Variants in SYNE2 observed in about 807,000 individuals in gnomAD.
The protein encoded by SYNE2 is nesprin-2.
Under a neutral mutation model 856.3 loss-of-function variants are expected in SYNE2, and 431 were observed. The observed-to-expected ratio is 0.50, with a 90% CI of 0.47 to 0.55. The LOEUF (loss-of-function observed/expected upper bound fraction) is 0.55. SYNE2 is among the 20% of genes least tolerant of loss of function. SYNE2 has a pLI of 0.00. For missense variants in SYNE2, 8,129 were observed against 8,023.2 expected, an observed-to-expected ratio of 1.01 and a Z score of -0.50; for synonymous variants, 2,923 against 2,872.3, an observed-to-expected ratio of 1.02 and a Z score of -0.56.
At chr14:63,857,601 G>T (rs1265007711) in intron 1 of SYNE2, among the ~76,000 whole-genome samples, 3 of 152,166 alleles carry the variant, frequency 2.0e-5, no homozygotes, top group African/African-American at 7.2e-5. Context: ...GAGGGTTCCA[G>T]TTGCCCCAGA....
In SYNE2 at chr14:64,024,307, C is replaced by A. The variant is rs200730189; in HGVS notation, c.5688C>A (p.Ser1896Arg). The A allele has an allele frequency of 9.3e-6, 15 of 1,613,952 alleles. No homozygotes were observed. The highest frequency in any genetic ancestry group is 1.6e-4 in the Middle Eastern group (1 of 6,062). ...ACAGTAAAATAAAGCAGGTGGACAGCGTACTGAAGCATGTGAAGAAGCATC... is the reference window on the plus strand; with the variant it reads ...ACAGTAAAATAAAGCAGGTGGACAGAGTACTGAAGCATGTGAAGAAGCATC... Reference protein sequence around the residue: ...GRNSKIKQVDSVLKHVKKHLP... With the variant: ...GRNSKIKQVDRVLKHVKKHLP... The change falls in exon 39 of 116, where the codon AGC becomes AGA. Residue 1896 changes from serine to arginine, a missense_variant. Physicochemically the swap from Ser to Arg is moderately radical, Grantham distance 110. Transcript: ENST00000555002.
chr14:63,956,056 CAG>C (rs1232249902), intron 8 of SYNE2, among the ~76,000 whole-genome samples: 13 of 152,294 alleles, frequency 8.5e-5, no homozygotes, highest in African/African-American at 2.9e-4. Context: ...CAGCTTTAGA[CAG>C]AACATATTTT....
Position 64,212,226 on chromosome 14 carries a change from T to C in SYNE2, c.18861+128T>C, listed in dbSNP as rs866146605. The C allele has an allele frequency of 4.8e-6, 7 of 1,456,532 alleles. No individual in the cohort carries two copies. The Middle Eastern group carries it at 9.6e-4, about 200-fold the overall frequency. 90.2% of individuals were successfully genotyped at this position (1,456,532 alleles called of 1,614,324 possible). Reference sequence around the variant, plus strand: ...GAATTCTTAAAGCAGCCAGGCTACATCCCACCTGTGTACTACCAGATTATC... The same window carrying C: ...GAATTCTTAAAGCAGCCAGGCTACACCCCACCTGTGTACTACCAGATTATC... On this transcript the variant is annotated intron_variant, in intron 104 of 115. Transcript: ENST00000555002.
intron 71 of SYNE2, among the ~76,000 whole-genome samples, chr14:64,125,859 C>G (rs1230357814): frequency 6.6e-6 from 1 of 152,176 alleles, no homozygotes; most frequent in Non-Finnish European, 1.5e-5. Flanking sequence ...GCAGCCTGCT[C>G]CTGTTTTTAA....
intron 1 of SYNE2, among the ~76,000 whole-genome samples, chr14:63,801,545 G>A (rs1888130434): frequency 6.6e-6 from 1 of 152,204 alleles, no homozygotes; most frequent in South Asian, 2.1e-4. Flanking sequence ...TGGGCATGGT[G>A]GCGCATGCCT....
chr14:64,001,345 G>A (rs1594780091), intron 28 of SYNE2, among the ~76,000 whole-genome samples: 2 of 152,190 alleles, frequency 1.3e-5, no homozygotes, highest in African/African-American at 4.8e-5. Context: ...GGCTTAGTAT[G>A]TTTTACAACA....
chr14:63,794,298 C>A (rs1173956057), intron 1 of SYNE2, among the ~76,000 whole-genome samples: 2 of 151,934 alleles, frequency 1.3e-5, no homozygotes, highest in Non-Finnish European at 2.9e-5. Context: ...CTTGGCTCAC[C>A]ACAACCTCCG....
intron 60 of SYNE2, among the ~76,000 whole-genome samples, chr14:64,091,469 A>T (rs1000724741): frequency 6.6e-6 from 1 of 152,198 alleles, no homozygotes. Flanking sequence ...CTTTATTTTT[A>T]CAGATAAGGA....
chr14:63,950,228 G>A (rs144253386), intron 7 of SYNE2, among the ~76,000 whole-genome samples: 1 of 152,274 alleles, frequency 6.6e-6, no homozygotes, highest in African/African-American at 2.4e-5. Context: ...CACCTGCTGT[G>A]TTTAGGTGGC....
At chr14:64,114,625 CT>C (rs759059843) in intron 66 of SYNE2, among the ~76,000 whole-genome samples, 273 of 141,392 alleles carry the variant, frequency 1.9e-3, no homozygotes, top group Middle Eastern at 0.011. Flanking sequence ...AAAGTCAGTT[CT>C]TTTTTTTTTT....
chr14:64,178,141 C>G (rs181034028), intron 96 of SYNE2, among the ~76,000 whole-genome samples: 7 of 152,108 alleles, frequency 4.6e-5, no homozygotes, highest in Admixed American at 2.0e-4. Flanking sequence ...CAGTGACTTT[C>G]GGGGATCAAA....
At chr14:63,818,698 T>G (rs915164523) in intron 1 of SYNE2, among the ~76,000 whole-genome samples, 1 of 124,820 alleles carries the variant, frequency 8.0e-6, no homozygotes, top group Non-Finnish European at 1.9e-5. Flanking sequence ...ATTTTTTTCT[T>G]TTCTTTTTTT....
chr14:64,017,591 G>T lies in SYNE2; in HGVS notation c.4888-4G>T. Reference sequence around the variant, plus strand: ...ATGTTGTTTCTCTTTTTAAATTATGGTAGATAAATGAGAAGACAGAAGATT... The same window carrying T: ...ATGTTGTTTCTCTTTTTAAATTATGTTAGATAAATGAGAAGACAGAAGATT... On this transcript the variant is annotated splice_region_variant and splice_polypyrimidine_tract_variant and intron_variant, in intron 33 of 115. Coordinates refer to ENST00000555002, the MANE Select transcript of SYNE2 (RefSeq NM_182914.3). 6 of 1,608,236 alleles carry T rather than the reference G, an allele frequency of 3.7e-6. No homozygotes were observed. Among genetic ancestry groups the T allele is most frequent in the Non-Finnish European group, 5.1e-6 (6 of 1,175,882 alleles).
At position 64,031,092 on chromosome 14, in the gene SYNE2, A is replaced by G; in HGVS notation, c.6956A>G (p.Asn2319Ser). ...GCTTTAGCAAAATCCGTCAAGCAAAATACATCTTCAGTGGGGCAGAAGATT... is the reference window on the plus strand; with the variant it reads ...GCTTTAGCAAAATCCGTCAAGCAAAGTACATCTTCAGTGGGGCAGAAGATT... Reference protein sequence around the residue: ...ILALAKSVKQNTSSVGQKIIK... With the variant: ...ILALAKSVKQSTSSVGQKIIK... Residue 2319 changes from asparagine to serine, a missense_variant, in exon 45 of 116, where the codon AAT becomes AGT. Around this residue, in one of 3 missense-constraint regions of SYNE2, gnomAD observed 297 missense variants for 380.9 expected, o/e 0.78. Coordinates refer to ENST00000555002, the MANE Select transcript of SYNE2 (RefSeq NM_182914.3). The G allele has an allele frequency of 6.2e-7, 1 of 1,614,120 alleles. No individual in the cohort carries two copies. Among genetic ancestry groups the G allele is most frequent in the Non-Finnish European group, 8.5e-7 (1 of 1,180,010 alleles).
chr14:63,833,805 T>C (rs1021937628), intron 1 of SYNE2, among the ~76,000 whole-genome samples: 1 of 152,240 alleles, frequency 6.6e-6, no homozygotes, highest in Non-Finnish European at 1.5e-5. Flanking sequence ...TTAAGTTGAT[T>C]CATACTCCTT....
rs191588663 is a variant in SYNE2 at position 63,804,019 on chromosome 14, C to T, written c.-305+42033C>T. 7.2e-5 allele frequency among the ~76,000 whole-genome samples: 11 copies of T among 152,230 alleles called. No individual in the cohort carries two copies. In the East Asian group the frequency reaches 1.4e-3, roughly 19 times the overall value. ...CCCCTTCACTCTCTGTCTCCTGCTC[C>T]GCCATGGGAACTTGTTCTTGCTTCC... On this transcript the variant is annotated intron_variant, in intron 1 of 23. Transcript: ENST00000674003.
intron 60 of SYNE2, 25 bp downstream of exon 60, chr14:64,091,073 A>C (rs1038601638): frequency 2.5e-6 from 4 of 1,606,506 alleles, no homozygotes; most frequent in Non-Finnish European, 2.6e-6. Flanking sequence ...ATGACATCCA[A>C]CTTACTGGAT....
intron 14 of SYNE2, among the ~76,000 whole-genome samples, chr14:63,979,562 A>C (rs1229765654): frequency 6.6e-6 from 1 of 152,226 alleles, no homozygotes; most frequent in Non-Finnish European, 1.5e-5. Context: ...GCATCACAGA[A>C]ATGTCAATTC....
chr14:63,923,600 G>A (rs529215719), intron 2 of SYNE2, among the ~76,000 whole-genome samples: 1 of 152,312 alleles, frequency 6.6e-6, no homozygotes, highest in East Asian at 1.9e-4. Context: ...CATGGGTCAT[G>A]TACTGTTGGA....
Sources: allele counts gnomAD v4.1 joint callset (sites outside exome capture counted in the v4.1 genomes callset), GRCh38; gene constraint gnomAD v4.1.1; regional missense constraint gnomAD v4.1.1; transcripts MANE v1.5; gene names NCBI Gene and HGNC (gene_info 2026-07-23, HGNC 2026-07-21).